DPH7: variants seen among roughly 807,000 people sequenced by gnomAD.
DPH7 encodes diphthine methyltransferase.
In DPH7, 44 loss-of-function variants were observed where a neutral mutation model predicts 41.7. The ratio of observed to expected loss-of-function variants is 1.05; its 90% CI spans 0.83 to 1.36. DPH7 has a LOEUF of 1.36. Among genes scored for constraint, DPH7 ranks in the 40% most tolerant of loss-of-function variants. The probability of loss-of-function intolerance (pLI) is 0.00; values close to 1 mark genes in which losing one functional copy is unlikely to be tolerated. For synonymous variants in DPH7, 275 were observed against 238.0 expected (o/e 1.16, Z -1.43); for missense variants, 629 against 577.5 (o/e 1.09, Z -0.91).
Position 137,556,766 on chromosome 9 carries a change from C to G in DPH7, c.950-1118G>C, listed in dbSNP as rs1467379134. On this transcript the variant is annotated intron_variant, in intron 8 of 8. Transcript: ENST00000277540. The surrounding 1 kb of genome is among the most constrained non-coding windows in gnomAD (Gnocchi z 5.2). The stretch of plus-strand genomic sequence containing the variant: ...GGCAGGACCTCCGCTAGTCTTTCAT[C>G]CAGCAATCGCTCAACACGTCCACTC... 5 of 455,290 alleles carry G rather than the reference C, an allele frequency of 1.1e-5. No individual in the cohort carries two copies. The highest frequency in any genetic ancestry group is 4.7e-5 in the Admixed American group (2 of 42,402). The allele number at this position is 455,290 out of a possible 1,614,324, so 28.2% of individuals were successfully genotyped here.
rs112061801 is a variant in DPH7, at chr9:137,555,584, G to A, written c.1014C>T (p.Ala338=). The A allele has an allele frequency of 1.8e-4, 288 of 1,613,570 alleles. 2 individuals are homozygous for A. The East Asian group carries it at 5.2e-3, about 29-fold the overall frequency. Residue 338 remains alanine (A), a synonymous_variant, in exon 9 of 9, where the codon GCC becomes GCT. Transcript: ENST00000277540. ...AACGGAAGAGCAGCCAGGACCAGTCGGCTCCATACACCAGCGAGTCGGGCA... is the reference window on the plus strand; with the variant it reads ...AACGGAAGAGCAGCCAGGACCAGTCAGCTCCATACACCAGCGAGTCGGGCA... The part of the protein sequence containing the change: ...HTLPDSLVYG[A]DWSWLLFRSL...
chr9:137,576,167 C>A lies in DPH7; in HGVS notation c.288G>T (p.Trp96Cys). ...CATGTCCAGCCACCGGGATGTGACA[C>A]CTGAGGAGAGGGCCCACCATAAGCA... is the stretch of plus-strand genomic sequence containing the variant. ...KDTSAILDMKWCHIPVAGHAL... is the reference protein window; with the variant it reads ...KDTSAILDMKCCHIPVAGHAL... Residue 96 changes from tryptophan (W) to cysteine (C), a missense_variant and splice_region_variant, in exon 3 of 9, where the codon TGG becomes TGT. Trp to Cys is a radical substitution (Grantham distance 215). Coordinates refer to ENST00000277540, the MANE Select transcript of DPH7 (RefSeq NM_138778.5). 6.2e-7 allele frequency: 1 copy of A among 1,613,676 alleles called. No individual in the cohort carries two copies. Among genetic ancestry groups the A allele is most frequent in the Non-Finnish European group, 8.5e-7 (1 of 1,179,962 alleles).
rs1189873424 is a variant in DPH7, at chr9:137,574,749, T to C, written c.467+3A>G. 1 of 1,613,844 alleles carries C rather than the reference T, an allele frequency of 6.2e-7. No homozygotes were observed. Among genetic ancestry groups the C allele is most frequent in the South Asian group, 1.1e-5 (1 of 91,050 alleles). ...AGGACCCCTGACCAAGCCTGGCCCT[T>C]ACCTTCCAGTTTTCCCAGTGGACCA... On this transcript the variant is annotated splice_donor_region_variant and intron_variant, in intron 4 of 8. Coordinates refer to ENST00000277540, the MANE Select transcript of DPH7 (RefSeq NM_138778.5).
In DPH7 at chr9:137,576,141, G is replaced by A; in HGVS notation, c.314C>T (p.Ala105Val). The change falls in exon 3 of 9, where the codon GCC becomes GTC. Residue 105 changes from alanine to valine, a missense_variant. Physicochemically the swap from Ala to Val is moderately conservative, Grantham distance 64. Transcript: ENST00000277540. Reference sequence around the variant, plus strand: ...ACTGGCATCTGCCAAGCCCAAGAGGGCATGTCCAGCCACCGGGATGTGACA... The same window carrying A: ...ACTGGCATCTGCCAAGCCCAAGAGGACATGTCCAGCCACCGGGATGTGACA... ...KWCHIPVAGH[A>V]LLGLADASGS... 1 of 1,613,796 alleles carries A rather than the reference G, an allele frequency of 6.2e-7. No homozygotes were observed. The highest frequency in any genetic ancestry group is 2.2e-5 in the East Asian group (1 of 44,878).
In DPH7 at chr9:137,565,122, T is replaced by C; in HGVS notation, c.673A>G (p.Thr225Ala). ...AAGAGAAATTTGCCGGGTACCCTGG[T>C]GTCCCAGCCCCTCAGAAGGCCATCG... ...GDDGLLRGWD[T>A]RVPGKFLFTS... is the part of the protein sequence containing the mutation. Residue 225 changes from threonine to alanine, a missense_variant, in exon 6 of 9, where the codon ACC (threonine) becomes GCC (alanine). Coordinates refer to ENST00000277540, the MANE Select transcript of DPH7 (RefSeq NM_138778.5). The C allele has an allele frequency of 1.2e-6, 2 of 1,614,062 alleles. No homozygotes were observed. The highest frequency in any genetic ancestry group is 1.7e-6 in the Non-Finnish European group (2 of 1,180,024).
At chr9:137,564,738 C>G in intron 7 of DPH7, 132 bp from the exon 8 acceptor site, 1 of 1,439,352 alleles carries the variant, frequency 6.9e-7, no homozygotes, top group Non-Finnish European at 9.5e-7. Context: ...TCCCCTTTAC[C>G]AAACCCATAT....
At position 137,555,642 on chromosome 9, in the gene DPH7, C is replaced by T. The variant is rs763115666; in HGVS notation, c.956G>A (p.Arg319Lys). Reference sequence around the variant, plus strand: ...AGATGTCAGGACCGTCGCCTCCTGCCTCTCCTCTGGAGTGAGAGATGGGAG... The same window carrying T: ...AGATGTCAGGACCGTCGCCTCCTGCTTCTCCTCTGGAGTGAGAGATGGGAG... ...ILNCQKAMEERQEATVLTSHT... is the reference protein window; with the variant it reads ...ILNCQKAMEEKQEATVLTSHT... The change falls in exon 9 of 9, where the codon AGG becomes AAG. Residue 319 changes from arginine to lysine, a missense_variant. Transcript: ENST00000277540. The T allele has an allele frequency of 2.5e-6, 4 of 1,597,072 alleles. No individual in the cohort carries two copies. In the South Asian group the frequency reaches 3.4e-5, roughly 13 times the overall value.
intron 5 of DPH7, among the ~76,000 whole-genome samples, chr9:137,569,119 G>A (rs1419394367): frequency 1.3e-5 from 2 of 152,030 alleles, no homozygotes; most frequent in African/African-American, 2.4e-5. Context: ...GGCACCTGAA[G>A]GAAGGGAAGC....
chr9:137,577,314 G>A (rs1246750770), intron 2 of DPH7, among the ~76,000 whole-genome samples, 156 bp downstream of exon 2: 1 of 152,126 alleles, frequency 6.6e-6, no homozygotes, highest in Non-Finnish European at 1.5e-5. Flanking sequence ...TAAGCCCCAG[G>A]TAAAGCACTC....
chr9:137,570,548 A>G (rs983009943), intron 5 of DPH7, among the ~76,000 whole-genome samples: 14 of 152,142 alleles, frequency 9.2e-5, no homozygotes, highest in African/African-American at 3.4e-4. Context: ...TTCACCAAAG[A>G]GGTCATCGCA....
chr9:137,576,261 A>G lies in DPH7; in HGVS notation c.288-94T>C, dbSNP rs999661170. ...AACCACAGTCACGCTTCCCTTAACA[A>G]CGGGGCTGCAGTCCACGCAAACCCA... is the stretch of plus-strand genomic sequence containing the variant. On this transcript the variant is annotated intron_variant, in intron 2 of 8. Coordinates refer to ENST00000277540, the MANE Select transcript of DPH7 (RefSeq NM_138778.5). The G allele has an allele frequency of 1.5e-5, 17 of 1,109,094 alleles. No homozygotes were observed. The Admixed American group carries it at 2.9e-4, about 19-fold the overall frequency. 68.7% of individuals were successfully genotyped at this position (1,109,094 alleles called of 1,614,324 possible). A position where few individuals can be genotyped will look rare whatever the true frequency, so the allele number is the denominator to read the frequency against.
intron 2 of DPH7, among the ~76,000 whole-genome samples, chr9:137,577,009 A>C (rs1841527290): frequency 6.6e-6 from 1 of 151,378 alleles, no homozygotes; most frequent in South Asian, 2.1e-4. Context: ...AGCTATGATC[A>C]CGTGACTGCA....
At chr9:137,574,682 C>T (rs2133187396) in intron 4 of DPH7, 70 bp downstream of exon 4, 1 of 1,457,386 alleles carries the variant, frequency 6.9e-7, no homozygotes, top group Non-Finnish European at 9.6e-7. Flanking sequence ...TGGCTGGAGC[C>T]CTCTAGCCTG....
chr9:137,570,699 C>T (rs1840283634), intron 5 of DPH7, among the ~76,000 whole-genome samples: 1 of 152,210 alleles, frequency 6.6e-6, no homozygotes, highest in African/African-American at 2.4e-5. Flanking sequence ...TGATTTCACC[C>T]TCTTCTATTC....
chr9:137,563,433 G>A (rs1564423266), intron 8 of DPH7, among the ~76,000 whole-genome samples: 1 of 149,782 alleles, frequency 6.7e-6, no homozygotes. Flanking sequence ...TTGGGAGGCT[G>A]AGGCAGGAGA....
intron 8 of DPH7, among the ~76,000 whole-genome samples, chr9:137,560,564 C>T (rs1420205375): frequency 1.3e-5 from 2 of 150,560 alleles, no homozygotes; most frequent in African/African-American, 4.9e-5. Flanking sequence ...AATAAAAATA[C>T]AAAAAATTGG....
intron 3 of DPH7, chr9:137,575,785 C>T (rs1841278383): frequency 8.2e-7 from 1 of 1,213,996 alleles, no homozygotes; most frequent in Non-Finnish European, 1.0e-6. Flanking sequence ...CAGCATCAAC[C>T]TAAGAATGCT....
At chr9:137,562,465 G>A (rs908393361) in intron 8 of DPH7, among the ~76,000 whole-genome samples, 11 of 151,938 alleles carry the variant, frequency 7.2e-5, no homozygotes, top group African/African-American at 1.7e-4. Flanking sequence ...ACCAATGGTC[G>A]AAGAAAAAAA....
rs10110 is a variant in DPH7, at chr9:137,555,130, A to C, written c.*109T>G. ...ACTACACTGTGGATTCCATCAGTGC[A>C]CAGGCACCTGCAGGGCTGCAGTAAG... On this transcript the variant is annotated 3_prime_UTR_variant, in exon 9 of 9. Coordinates refer to ENST00000277540, the MANE Select transcript of DPH7 (RefSeq NM_138778.5). 275,960 of 1,366,626 alleles carry C rather than the reference A, an allele frequency of 0.2. 29,320 individuals carry two copies. Among genetic ancestry groups the C allele is most frequent in the Admixed American group, 0.37 (13,099 of 35,378 alleles). The allele number at this position is 1,366,626 out of a possible 1,614,324, so 84.7% of individuals were successfully genotyped here. A position where few individuals can be genotyped will look rare whatever the true frequency, so the allele number is the denominator to read the frequency against.
Sources: allele counts gnomAD v4.1 joint callset (sites outside exome capture counted in the v4.1 genomes callset), GRCh38; gene constraint gnomAD v4.1.1; non-coding constraint Gnocchi (gnomAD v3.1); transcripts MANE v1.5; gene names NCBI Gene and HGNC (gene_info 2026-07-23, HGNC 2026-07-21).